ADGRL2: variants seen among roughly 807,000 people sequenced by gnomAD.
ADGRL2 encodes adhesion G protein-coupled receptor L2.
ADGRL2 carries 44 observed loss-of-function variants against 157.4 expected under a neutral mutation model. The observed-to-expected ratio is 0.28, with a 90% confidence interval of 0.22 to 0.36. ADGRL2 has a LOEUF of 0.36. Among genes scored for constraint, ADGRL2 ranks in the 10% least tolerant of loss-of-function variants. ADGRL2 has a pLI of 1.00. For synonymous variants in ADGRL2, 585 were observed against 624.7 expected (o/e 0.94, Z 0.95); for missense variants, 1,510 against 1,768.9 (o/e 0.85, Z 2.63).
intron 3 of ADGRL2, among the ~76,000 whole-genome samples, chr1:81,665,481 A>G (rs1282996152): frequency 6.6e-6 from 1 of 152,078 alleles, no homozygotes; most frequent in Non-Finnish European, 1.5e-5. Flanking sequence ...TCCCAACTCC[A>G]ATTTTAAATG....
intron 1 of ADGRL2, among the ~76,000 whole-genome samples, chr1:81,328,277 A>G (rs1272688671): frequency 2.0e-5 from 3 of 152,150 alleles, no homozygotes; most frequent in Admixed American, 6.5e-5. Flanking sequence ...AGAACAGTAA[A>G]TTTATAATTT....
chr1:81,346,973 A>G (rs1662525247), intron 1 of ADGRL2, among the ~76,000 whole-genome samples: 1 of 152,206 alleles, frequency 6.6e-6, no homozygotes, highest in Admixed American at 6.5e-5. Flanking sequence ...CCCTGAAGCT[A>G]CATTAGATAT....
At chr1:81,819,692 T>C (rs2090788705) in intron 1 of ADGRL2, among the ~76,000 whole-genome samples, 1 of 152,156 alleles carries the variant, frequency 6.6e-6, no homozygotes. Context: ...ATCAAGACTG[T>C]ATAAAAGCTA....
At chr1:81,374,711 T>A (rs754260009) in intron 1 of ADGRL2, among the ~76,000 whole-genome samples, 19 of 152,228 alleles carry the variant, frequency 1.2e-4, no homozygotes, top group Non-Finnish European at 2.2e-4. Context: ...GTAGCACTTG[T>A]CTGCTCTGGC....
At chr1:81,784,399 A>C (rs1354844755) in intron 2 of ADGRL2, among the ~76,000 whole-genome samples, 2 of 152,228 alleles carry the variant, frequency 1.3e-5, no homozygotes, top group African/African-American at 4.8e-5. Context: ...TTAAATAAGA[A>C]GTGAATATAA....
chr1:81,823,321 CTCCT>C (rs750462772), intron 1 of ADGRL2, among the ~76,000 whole-genome samples: 19 of 149,476 alleles, frequency 1.3e-4, no homozygotes, highest in East Asian at 5.9e-4. Flanking sequence ...CGTTTTTTCT[CTCCT>C]TCCTTCCTTC....
At chr1:81,772,723 C>T (rs2086425976) in intron 2 of ADGRL2, among the ~76,000 whole-genome samples, 1 of 151,728 alleles carries the variant, frequency 6.6e-6, no homozygotes, top group Non-Finnish European at 1.5e-5. Flanking sequence ...AGCGAGACTC[C>T]ATCCCAAAAA....
At chr1:81,955,286 A>G (rs1653135066) in intron 10 of ADGRL2, among the ~76,000 whole-genome samples, 1 of 152,146 alleles carries the variant, frequency 6.6e-6, no homozygotes, top group East Asian at 1.9e-4. Context: ...TGGACAGAGA[A>G]TTGGAAGAGT....
chr1:81,884,308 A>G (rs960795135), intron 2 of ADGRL2, among the ~76,000 whole-genome samples: 3 of 152,128 alleles, frequency 2.0e-5, no homozygotes, highest in Admixed American at 1.3e-4. Context: ...GCCCATGAGA[A>G]CAACCTGTGC....
chr1:81,556,277 C>A lies in ADGRL2; in HGVS notation c.-247-24599C>A, dbSNP rs550119982. ...GTAATTATCATAAAAGGCCTACAACCAAAATCCTCATCCCCCGATTCTCAG... is the reference window on the plus strand; with the variant it reads ...GTAATTATCATAAAAGGCCTACAACAAAAATCCTCATCCCCCGATTCTCAG... On this transcript the variant is annotated intron_variant, in intron 2 of 24. Coordinates refer to the ADGRL2 transcript ENST00000370721. 2.7e-5 allele frequency among the ~76,000 whole-genome samples: 4 copies of A among 150,280 alleles called. No individual in the cohort carries two copies. In the East Asian group the frequency reaches 7.9e-4, roughly 30 times the overall value.
intron 2 of ADGRL2, among the ~76,000 whole-genome samples, chr1:81,778,180 AG>A (rs1406179393): frequency 3.4e-5 from 5 of 148,824 alleles, no homozygotes; most frequent in African/African-American, 1.3e-4. Flanking sequence ...AAATTAGCCA[AG>A]CATGGTGGCG....
At chr1:81,912,977 T>G (rs1156909800) in intron 3 of ADGRL2, among the ~76,000 whole-genome samples, 1 of 152,286 alleles carries the variant, frequency 6.6e-6, no homozygotes, top group Non-Finnish European at 1.5e-5. Context: ...ATTTTTATTC[T>G]ATGAGAAAGA....
intron 3 of ADGRL2, among the ~76,000 whole-genome samples, chr1:81,585,268 G>A (rs1395191691): frequency 6.6e-6 from 1 of 152,024 alleles, no homozygotes; most frequent in African/African-American, 2.4e-5. Flanking sequence ...TTCATATATA[G>A]TTATATGTAA....
chr1:81,616,637 GT>G (rs1179634769), intron 3 of ADGRL2, among the ~76,000 whole-genome samples: 2 of 129,330 alleles, frequency 1.5e-5, no homozygotes, highest in African/African-American at 5.7e-5. Flanking sequence ...TCCACTTCTA[GT>G]TTTTTGGGTT....
chr1:81,813,353 T>A (rs1006950178), intron 1 of ADGRL2, among the ~76,000 whole-genome samples: 3 of 151,766 alleles, frequency 2.0e-5, no homozygotes, highest in African/African-American at 4.8e-5. Flanking sequence ...GCTTCGTTTC[T>A]TAATGAAATT....
intron 13 of ADGRL2, 130 bp from the exon 14 acceptor site, chr1:81,967,896 G>A: frequency 1.4e-6 from 1 of 714,522 alleles, no homozygotes. Context: ...CCACAATTTT[G>A]CTGATGAAAA....
At chr1:81,679,299 G>A (rs999183781) in intron 3 of ADGRL2, among the ~76,000 whole-genome samples, 2 of 151,880 alleles carry the variant, frequency 1.3e-5, no homozygotes, top group Non-Finnish European at 2.9e-5. Flanking sequence ...TCCACTGGTG[G>A]TAATGAAGAA....
At chr1:81,560,069 A>T (rs2080405636) in intron 2 of ADGRL2, among the ~76,000 whole-genome samples, 1 of 152,206 alleles carries the variant, frequency 6.6e-6, no homozygotes, top group Admixed American at 6.5e-5. Flanking sequence ...TAATCCAGAC[A>T]AAGATACCAT....
chr1:81,834,922 T>C (rs2150157079), intron 1 of ADGRL2, among the ~76,000 whole-genome samples: 1 of 152,296 alleles, frequency 6.6e-6, no homozygotes, highest in Non-Finnish European at 1.5e-5. Context: ...TAAGATATTC[T>C]TTCCTGGCCA....
Sources: gnomAD v4.1 joint callset for allele counts (sites outside exome capture counted in the v4.1 genomes callset) on GRCh38, gnomAD v4.1.1 for gene constraint, MANE v1.5 for transcripts, NCBI Gene and HGNC (gene_info 2026-07-23, HGNC 2026-07-21) for gene names.